Variants in KCNAB1 observed in about 807,000 individuals in gnomAD.
KCNAB1 encodes voltage-gated potassium channel subunit beta-1.
A neutral mutation model predicts 64.6 loss-of-function variants in KCNAB1; 35 were observed. That is an observed-to-expected ratio of 0.54 (90% confidence interval 0.41 to 0.72). KCNAB1 has a LOEUF of 0.72. Ranked by LOEUF, KCNAB1 falls within the 30% of genes least tolerant of loss-of-function variation. The pLI is 0.00. For synonymous variants in KCNAB1, 177 were observed against 183.8 expected (o/e 0.96, Z 0.30); for missense variants, 401 against 512.9 (o/e 0.78, Z 2.11).
chr3:156,529,392 C>T (rs368600570), intron 12 of KCNAB1, among the ~76,000 whole-genome samples: 1 of 151,454 alleles, frequency 6.6e-6, no homozygotes, highest in Non-Finnish European at 1.5e-5. Flanking sequence ...GAAGGTTGCA[C>T]CTTAAAAATG....
At chr3:156,500,970 G>A (rs902514033) in intron 8 of KCNAB1, among the ~76,000 whole-genome samples, 1 of 152,214 alleles carries the variant, frequency 6.6e-6, no homozygotes, top group African/African-American at 2.4e-5. Flanking sequence ...CAGCAGTTGA[G>A]TCTCATACAG....
intron 1 of KCNAB1, among the ~76,000 whole-genome samples, chr3:156,267,890 C>G (rs1718811494): frequency 6.6e-6 from 1 of 151,958 alleles, no homozygotes; most frequent in Non-Finnish European, 1.5e-5. Context: ...TACAAACAAT[C>G]CAAGTATACT....
intron 8 of KCNAB1, among the ~76,000 whole-genome samples, chr3:156,497,389 T>C (rs979055790): frequency 6.6e-6 from 1 of 152,174 alleles, no homozygotes; most frequent in Non-Finnish European, 1.5e-5. Flanking sequence ...AAAATCTCAT[T>C]AGGGTAAATA....
Position 156,453,135 on chromosome 3 carries a change from G to A in KCNAB1, c.357+199G>A, listed in dbSNP as rs866976939. 7.4e-5 allele frequency: 32 copies of A among 432,846 alleles called. No individual in the cohort carries two copies. The Middle Eastern group carries it at 1.6e-3, about 21-fold the overall frequency. The allele number at this position is 432,846 out of a possible 1,614,324, so 26.8% of individuals were successfully genotyped here. Reference sequence around the variant, plus strand: ...TACATTTAGACTATTAATAGCCCTTGAAGCTGTACATTATATATGCAGGTT... The same window carrying A: ...TACATTTAGACTATTAATAGCCCTTAAAGCTGTACATTATATATGCAGGTT... On this transcript the variant is annotated intron_variant, in intron 3 of 13. Coordinates refer to ENST00000490337, the MANE Select transcript of KCNAB1 (RefSeq NM_172160.3).
intron 2 of KCNAB1, among the ~76,000 whole-genome samples, chr3:156,431,756 A>G (rs80104713): frequency 6.6e-6 from 1 of 152,362 alleles, no homozygotes; most frequent in East Asian, 1.9e-4. Context: ...CCCACATGAA[A>G]GAATTTCTAG....
At chr3:156,274,999 C>G (rs761395423) in intron 1 of KCNAB1, among the ~76,000 whole-genome samples, 3 of 152,114 alleles carry the variant, frequency 2.0e-5, no homozygotes, top group Admixed American at 1.3e-4. Context: ...ACCTTTGTAC[C>G]CTTTAACTAA....
intron 7 of KCNAB1, among the ~76,000 whole-genome samples, chr3:156,468,730 AGG>A (rs1713626006): frequency 6.6e-6 from 1 of 152,200 alleles, no homozygotes; most frequent in South Asian, 2.1e-4. Context: ...TCCATGGATA[AGG>A]ATACTCTTTA....
Position 156,347,393 on chromosome 3 carries a change from T to C in KCNAB1, c.276-74223T>C, listed in dbSNP as rs3772240. 2.6e-4 allele frequency among the ~76,000 whole-genome samples: 39 copies of C among 152,334 alleles called. No individual in the cohort carries two copies. The East Asian group carries it at 6.2e-3, about 24-fold the overall frequency. Reference sequence around the variant, plus strand: ...ATTGCTTGCTGTGTGAGGAAAAAGTTACCTTTCTGAGCTTGAGTCCTCTGA... The same window carrying C: ...ATTGCTTGCTGTGTGAGGAAAAAGTCACCTTTCTGAGCTTGAGTCCTCTGA... On this transcript the variant is annotated intron_variant, in intron 1 of 13. Transcript: ENST00000490337.
intron 1 of KCNAB1, among the ~76,000 whole-genome samples, chr3:156,402,226 G>A (rs781291317): frequency 2.3e-4 from 35 of 151,718 alleles, no homozygotes; most frequent in East Asian, 1.4e-3. Flanking sequence ...CAATCTTAGC[G>A]TTTCATAATC....
At chr3:156,436,945 T>C (rs987696655) in intron 2 of KCNAB1, among the ~76,000 whole-genome samples, 10 of 152,344 alleles carry the variant, frequency 6.6e-5, no homozygotes, top group African/African-American at 1.9e-4. Flanking sequence ...TTTGTTTTTG[T>C]TGGAATTGCT....
At chr3:156,407,637 T>C (rs761400534) in intron 1 of KCNAB1, among the ~76,000 whole-genome samples, 5 of 152,242 alleles carry the variant, frequency 3.3e-5, no homozygotes, top group Admixed American at 6.5e-5. Flanking sequence ...AGTGTGTTCA[T>C]TGAATTGAAT....
intron 1 of KCNAB1, among the ~76,000 whole-genome samples, chr3:156,274,231 A>G (rs1165985668): frequency 2.0e-5 from 3 of 152,188 alleles, no homozygotes; most frequent in Non-Finnish European, 1.5e-5. Context: ...CCACAAAACT[A>G]TGCATGGGAA....
chr3:156,143,569 GTT>G (rs56216211), intron 1 of KCNAB1: 343 of 296,186 alleles, frequency 1.2e-3, no homozygotes, highest in Middle Eastern at 3.3e-3. Flanking sequence ...TTGCATTCTT[GTT>G]TTTTTTTTTT....
intron 1 of KCNAB1, among the ~76,000 whole-genome samples, chr3:156,158,548 A>G (rs1275690583): frequency 3.3e-5 from 5 of 152,196 alleles, no homozygotes; most frequent in East Asian, 1.9e-4. Flanking sequence ...TTTGCAAGTA[A>G]CAGAAAACCT....
At chr3:156,256,201 T>C (rs1402463080) in intron 1 of KCNAB1, among the ~76,000 whole-genome samples, 1 of 152,248 alleles carries the variant, frequency 6.6e-6, no homozygotes, top group Non-Finnish European at 1.5e-5. Flanking sequence ...CAGCACCTAA[T>C]TGTATTCCTG....
intron 1 of KCNAB1, among the ~76,000 whole-genome samples, chr3:156,236,283 C>T (rs1222669192): frequency 6.6e-6 from 1 of 152,130 alleles, no homozygotes; most frequent in African/African-American, 2.4e-5. Flanking sequence ...CAAAGTTGCA[C>T]CTCTGGGATA....
intron 8 of KCNAB1, among the ~76,000 whole-genome samples, chr3:156,484,368 A>C (rs1414861184): frequency 6.6e-6 from 1 of 152,054 alleles, no homozygotes; most frequent in Non-Finnish European, 1.5e-5. Context: ...AGTTAAGAAA[A>C]AAGAGAGAGA....
At chr3:156,201,031 AG>A (rs986657970) in intron 1 of KCNAB1, among the ~76,000 whole-genome samples, 1 of 152,190 alleles carries the variant, frequency 6.6e-6, no homozygotes, top group Admixed American at 6.5e-5. Flanking sequence ...TGGGCCAGAT[AG>A]CACAGTCTCT....
chr3:156,358,073 A>T (rs1279252195), intron 1 of KCNAB1, among the ~76,000 whole-genome samples: 1 of 152,166 alleles, frequency 6.6e-6, no homozygotes, highest in East Asian at 1.9e-4. Flanking sequence ...ATGCTAACGA[A>T]TTATTGTTGT....
Sources: allele counts gnomAD v4.1 joint callset (sites outside exome capture counted in the v4.1 genomes callset), GRCh38; gene constraint gnomAD v4.1.1; transcripts MANE v1.5; gene names NCBI Gene and HGNC (gene_info 2026-07-23, HGNC 2026-07-21).